The following EPM2A variants were observed in gnomAD, a reference collection of about 807,000 sequenced individuals.
EPM2A encodes laforin.
Under a neutral mutation model 26.5 loss-of-function variants are expected in EPM2A, and 21 were observed. The observed-to-expected ratio is 0.79, with a 90% CI of 0.56 to 1.14. The LOEUF is 1.14. Ranked by LOEUF, EPM2A falls within the 50% of genes most tolerant of loss-of-function variation. EPM2A has a pLI of 0.00. For missense variants in EPM2A, 458 were observed against 440.8 expected, an observed-to-expected ratio of 1.04 and a Z score of -0.35; for synonymous variants, 217 against 177.6, an observed-to-expected ratio of 1.22 and a Z score of -1.76.
intron 2 of EPM2A, among the ~76,000 whole-genome samples, chr6:145,573,187 T>C (rs907191759): frequency 1.3e-5 from 2 of 152,220 alleles, no homozygotes; most frequent in Admixed American, 6.5e-5. Flanking sequence ...GTGTGATATC[T>C]TGCAGAAGTG....
chr6:145,403,109 C>T (rs561197892), intron 4 of EPM2A, among the ~76,000 whole-genome samples: 16 of 152,108 alleles, frequency 1.1e-4, no homozygotes, highest in Admixed American at 9.2e-4. Context: ...TTTGTGGGTA[C>T]ATAGTAGGTA....
At chr6:145,587,637 G>C (rs1357313416) in intron 2 of EPM2A, among the ~76,000 whole-genome samples, 1 of 152,160 alleles carries the variant, frequency 6.6e-6, no homozygotes, top group Non-Finnish European at 1.5e-5. Flanking sequence ...ACAGGTGAAG[G>C]AAGGGCCAGA....
At chr6:145,404,797 T>C (rs1346104920) in intron 4 of EPM2A, among the ~76,000 whole-genome samples, 1 of 152,158 alleles carries the variant, frequency 6.6e-6, no homozygotes, top group Non-Finnish European at 1.5e-5. Context: ...GTATAGGTCC[T>C]TTCTCCTCAC....
chr6:145,568,806 A>G (rs746467528), intron 2 of EPM2A, among the ~76,000 whole-genome samples: 2 of 152,238 alleles, frequency 1.3e-5, no homozygotes, highest in African/African-American at 2.4e-5. Flanking sequence ...CAGCAAGCCA[A>G]TAATAGGCAG....
chr6:145,710,669 C>T (rs1265438708), intron 1 of EPM2A, among the ~76,000 whole-genome samples: 1 of 152,072 alleles, frequency 6.6e-6, no homozygotes, highest in Non-Finnish European at 1.5e-5. Context: ...GACACATGCA[C>T]ATGTATGTTT....
intron 2 of EPM2A, chr6:145,640,329 G>GA (rs1270704885): frequency 1.3e-4 from 20 of 152,254 alleles, no homozygotes; most frequent in African/African-American, 4.3e-4. Context: ...ATGGCCATGA[G>GA]AAATGGCAGA....
At chr6:145,727,507 TA>T (rs554366521) in intron 1 of EPM2A, among the ~76,000 whole-genome samples, 142 of 142,926 alleles carry the variant, frequency 9.9e-4, no homozygotes, top group South Asian at 7.3e-3. Context: ...TAGCCCATGA[TA>T]AAAAAAAAAA....
chr6:145,585,726 T>A lies in EPM2A; in HGVS notation c.340+49519A>T, dbSNP rs545167662. Among the ~76,000 whole-genome samples, 28 of 152,344 alleles carry A rather than the reference T, an allele frequency of 1.8e-4. No homozygotes were observed. In the South Asian group the frequency reaches 5.8e-3, roughly 32 times the overall value. On this transcript the variant is annotated intron_variant, in intron 2 of 3. Transcript: ENST00000450221. ...TATCTCTTTGGGTGCCAGATATTTT[T>A]GTGCATTTATAAATATTTTTGAGTT...
chr6:145,613,020 T>C (rs1009813021), intron 2 of EPM2A, among the ~76,000 whole-genome samples: 4 of 152,146 alleles, frequency 2.6e-5, no homozygotes, highest in African/African-American at 9.7e-5. Flanking sequence ...TATTTCTTTG[T>C]AGCATGTGAT....
At chr6:145,620,978 G>T (rs1775621295), downstream of EPM2A, among the ~76,000 whole-genome samples, 2 of 152,100 alleles carry the variant, frequency 1.3e-5, no homozygotes, top group Admixed American at 1.3e-4. Context: ...TGTGTTCTTA[G>T]CAAATTTCAA....
intron 1 of EPM2A, among the ~76,000 whole-genome samples, chr6:145,732,080 G>T (rs1434042058): frequency 6.6e-6 from 1 of 152,074 alleles, no homozygotes; most frequent in Non-Finnish European, 1.5e-5. Flanking sequence ...ACCATTTCTT[G>T]AAAATTTTCC....
intron 4 of EPM2A, among the ~76,000 whole-genome samples, chr6:145,407,092 G>GTCTT (rs1248746037): frequency 2.0e-5 from 3 of 151,794 alleles, no homozygotes; most frequent in Non-Finnish European, 4.4e-5. Flanking sequence ...CTAACCCAGG[G>GTCTT]TCTTATTTCA....
intron 1 of EPM2A, among the ~76,000 whole-genome samples, chr6:145,719,784 G>A (rs906506073): frequency 5.3e-5 from 8 of 152,012 alleles, no homozygotes; most frequent in African/African-American, 1.9e-4. Context: ...ACAATTCCAG[G>A]TGTATAACTG....
intron 4 of EPM2A, chr6:145,490,840 T>C (rs1261441298): frequency 3.1e-6 from 2 of 641,850 alleles, no homozygotes; most frequent in Non-Finnish European, 5.8e-6. Context: ...CATCTTCTTC[T>C]TTAATCTGCC....
chr6:145,591,826 T>G (rs1460762392), intron 2 of EPM2A, among the ~76,000 whole-genome samples: 3 of 151,928 alleles, frequency 2.0e-5, no homozygotes, highest in Non-Finnish European at 2.9e-5. Context: ...ATAACTATTT[T>G]TATTTTATTA....
chr6:145,616,557 G>A (rs141457854), intron 2 of EPM2A, among the ~76,000 whole-genome samples: 3,127 of 152,304 alleles, frequency 0.021, 46 homozygotes, highest in Admixed American at 0.031. Flanking sequence ...CCCCAGAATG[G>A]TAGATCCACT....
chr6:145,446,673 A>G (rs1779132900), intron 4 of EPM2A, among the ~76,000 whole-genome samples: 1 of 151,814 alleles, frequency 6.6e-6, no homozygotes, highest in Non-Finnish European at 1.5e-5. Context: ...GGAAACCTTG[A>G]TCCTGCCAAA....
intron 4 of EPM2A, among the ~76,000 whole-genome samples, chr6:145,385,496 G>A (rs2114652444): frequency 6.6e-6 from 1 of 152,244 alleles, no homozygotes; most frequent in South Asian, 2.1e-4. Flanking sequence ...TTGTTTCATA[G>A]ATTCAAACAA....
At chr6:145,692,873 G>T (rs1781362812) in intron 1 of EPM2A, among the ~76,000 whole-genome samples, 1 of 151,986 alleles carries the variant, frequency 6.6e-6, no homozygotes, top group Non-Finnish European at 1.5e-5. Context: ...TGTTCTTTTT[G>T]CTTAGGATTG....
Sources: allele counts gnomAD v4.1 joint callset (sites outside exome capture counted in the v4.1 genomes callset), GRCh38; gene constraint gnomAD v4.1.1; transcripts MANE v1.5; gene names NCBI Gene and HGNC (gene_info 2026-07-23, HGNC 2026-07-21).